Variants in PLSCR1 observed in about 807,000 individuals in gnomAD.
PLSCR1 encodes PL scramblase 1.
Under a neutral mutation model 37.8 loss-of-function variants are expected in PLSCR1, and 17 were observed. The observed-to-expected ratio is 0.45, with a 90% CI of 0.31 to 0.68. The LOEUF (loss-of-function observed/expected upper bound fraction) is 0.68. PLSCR1 is among the 30% of genes least tolerant of loss of function. The probability of loss-of-function intolerance (pLI) is 0.06; values close to 1 mark genes in which losing one functional copy is unlikely to be tolerated. For missense variants in PLSCR1, 347 were observed against 380.9 expected (o/e 0.91, Z 0.74); for synonymous variants, 116 against 125.9 (o/e 0.92, Z 0.53).
chr3:146,530,839 A>G (rs145933686), intron 3 of PLSCR1, among the ~76,000 whole-genome samples: 121 of 152,362 alleles, frequency 7.9e-4, no homozygotes, highest in African/African-American at 2.9e-3. Flanking sequence ...GAATTTAAGC[A>G]GAAGAATGAG....
chr3:146,515,979 A>G lies in PLSCR1; in HGVS notation c.*66T>C. 2 of 971,876 alleles carry G rather than the reference A, an allele frequency of 2.1e-6. No homozygotes were observed. Among genetic ancestry groups the G allele is most frequent in the Non-Finnish European group, 1.6e-6 (1 of 609,350 alleles). The allele number at this position is 971,876 out of a possible 1,614,324, so 60.2% of individuals were successfully genotyped here. A position where few individuals can be genotyped will look rare whatever the true frequency, so the allele number is the denominator to read the frequency against. On this transcript the variant is annotated 3_prime_UTR_variant, in exon 9 of 9. Transcript: ENST00000342435. ...GCCTTACAGCTTAATTCATACAGGT[A>G]TGAGTTTAGATAGTCTCAATCAATA...
At chr3:146,541,574 T>G (rs900116170) in intron 1 of PLSCR1, among the ~76,000 whole-genome samples, 4 of 152,160 alleles carry the variant, frequency 2.6e-5, no homozygotes, top group African/African-American at 9.7e-5. Context: ...TCTAATTCAC[T>G]GAAAAAAGGA....
chr3:146,533,376 T>TTC (rs1043457377), intron 3 of PLSCR1, 94 bp downstream of exon 3: 22 of 586,128 alleles, frequency 3.8e-5, no homozygotes, highest in South Asian at 1.6e-4. Context: ...AAATGCACAA[T>TTC]TCTCTCTCTC....
intron 3 of PLSCR1, among the ~76,000 whole-genome samples, chr3:146,531,376 A>C (rs1190532713): frequency 6.6e-6 from 1 of 152,204 alleles, no homozygotes; most frequent in Non-Finnish European, 1.5e-5. Flanking sequence ...ATAGGCCACT[A>C]ATAAAATAGG....
At position 146,521,119 on chromosome 3, in the gene PLSCR1, G is replaced by A. The variant is rs115204669; in HGVS notation, c.738+425C>T. On this transcript the variant is annotated intron_variant, in intron 7 of 8. Coordinates refer to ENST00000342435, the MANE Select transcript of PLSCR1 (RefSeq NM_021105.3). ...CTATCTTTGCATAATTGGGCTTCTTGTAGGAATTCAAAGATGTCAGACATT... is the reference window on the plus strand; with the variant it reads ...CTATCTTTGCATAATTGGGCTTCTTATAGGAATTCAAAGATGTCAGACATT... 6.0e-3 allele frequency among the ~76,000 whole-genome samples: 912 copies of A among 152,172 alleles called. 8 individuals are homozygous for A. Among genetic ancestry groups the A allele is most frequent in the African/African-American group, 0.021 (873 of 41,532 alleles).
intron 8 of PLSCR1, 58 bp downstream of exon 8, chr3:146,516,948 A>G: frequency 1.9e-6 from 2 of 1,062,508 alleles, no homozygotes; most frequent in East Asian, 5.4e-5. Flanking sequence ...TTACTGAATC[A>G]TTTCAGAATG....
At chr3:146,531,878 T>A (rs952504778) in intron 3 of PLSCR1, among the ~76,000 whole-genome samples, 1 of 152,106 alleles carries the variant, frequency 6.6e-6, no homozygotes, top group African/African-American at 2.4e-5. Flanking sequence ...ATTTTTTTTT[T>A]AAAGTAGGCA....
Position 146,532,563 on chromosome 3 carries a change from G to A in PLSCR1, c.94+907C>T, listed in dbSNP as rs74357072. Among the ~76,000 whole-genome samples the A allele has an allele frequency of 3.3e-3, 499 of 152,274 alleles. 2 individuals carry two copies. The highest frequency in any genetic ancestry group is 0.011 in the African/African-American group (451 of 41,548). On this transcript the variant is annotated intron_variant, in intron 3 of 8. Coordinates refer to ENST00000342435, the MANE Select transcript of PLSCR1 (RefSeq NM_021105.3). ...AGTTGCAAACATCTGGATGAGATCC[G>A]GGACCCGCAGGGAGGTTTCTTGCTA...
intron 2 of PLSCR1, among the ~76,000 whole-genome samples, chr3:146,533,788 T>C (rs1327754054): frequency 6.6e-6 from 1 of 152,208 alleles, no homozygotes; most frequent in Non-Finnish European, 1.5e-5. Flanking sequence ...TTACTGGGGC[T>C]GAATTACCAG....
intron 8 of PLSCR1, chr3:146,516,798 T>C (rs954818655): frequency 6.7e-5 from 28 of 416,738 alleles, no homozygotes; most frequent in Admixed American, 1.8e-4. Flanking sequence ...GCCATGTGAA[T>C]ATTCATAGAC....
intron 1 of PLSCR1, among the ~76,000 whole-genome samples, chr3:146,538,709 A>T (rs1487091712): frequency 1.3e-5 from 2 of 152,098 alleles, no homozygotes; most frequent in Non-Finnish European, 2.9e-5. Context: ...GCAAGTTTTT[A>T]TTTTTTATTT....
At position 146,528,642 on chromosome 3, in the gene PLSCR1, C is replaced by A. The variant is rs764667124; in HGVS notation, c.284G>T (p.Cys95Phe). 6.2e-7 allele frequency: 1 copy of A among 1,613,890 alleles called. No homozygotes were observed. The highest frequency in any genetic ancestry group is 1.3e-5 in the African/African-American group (1 of 75,024). Residue 95 changes from cysteine (C) to phenylalanine (F), a missense_variant, in exon 4 of 9, where the codon TGT becomes TTT. Cys to Phe is a radical substitution (Grantham distance 205, BLOSUM62 -2). Coordinates refer to ENST00000342435, the MANE Select transcript of PLSCR1 (RefSeq NM_021105.3). ...ACTTAAATATTCTAATCCAGGTGGA[C>A]AGTTTAATGGAGGCTGTGGCGCTGG... ...WMPAPQPPLN[C>F]PPGLEYLSQI...
At chr3:146,517,403 T>C (rs2043962641) in intron 7 of PLSCR1, 1 of 217,256 alleles carries the variant, frequency 4.6e-6, no homozygotes, top group Admixed American at 5.7e-5. Context: ...TTCTATTTTA[T>C]ATTAATATAG....
At chr3:146,526,183 C>CAAAAAA (rs60229241) in intron 4 of PLSCR1, among the ~76,000 whole-genome samples, 89 of 42,480 alleles carry the variant, frequency 2.1e-3, no homozygotes, top group African/African-American at 4.8e-3. Flanking sequence ...GACTCCATCT[C>CAAAAAA]AAAAAAAAAA....
At chr3:146,543,385 A>T (rs2044362336) in intron 1 of PLSCR1, among the ~76,000 whole-genome samples, 1 of 151,994 alleles carries the variant, frequency 6.6e-6, no homozygotes, top group Non-Finnish European at 1.5e-5. Flanking sequence ...TGTCTTTTTC[A>T]TTTCCCCGCA....
intron 3 of PLSCR1, among the ~76,000 whole-genome samples, chr3:146,529,035 G>A (rs903817820): frequency 2.6e-5 from 4 of 152,080 alleles, no homozygotes; most frequent in Admixed American, 6.5e-5. Flanking sequence ...GATAGTATGC[G>A]GTGAATAGCC....
intron 1 of PLSCR1, among the ~76,000 whole-genome samples, chr3:146,540,497 T>C (rs768095372): frequency 1.4e-4 from 21 of 152,296 alleles, no homozygotes; most frequent in South Asian, 8.3e-4. Flanking sequence ...CTGAAATTTT[T>C]ATCTTACTGC....
chr3:146,534,545 ATTGGATTG>A (rs1489482100), intron 2 of PLSCR1, among the ~76,000 whole-genome samples: 3 of 152,134 alleles, frequency 2.0e-5, no homozygotes, highest in Admixed American at 6.5e-5. Flanking sequence ...TATCAGGAAG[ATTGGATTG>A]TTTCCCCCAC....
intron 4 of PLSCR1, 123 bp downstream of exon 4, chr3:146,528,491 C>G (rs1467581781): frequency 2.6e-6 from 2 of 757,756 alleles, no homozygotes; most frequent in Non-Finnish European, 4.5e-6. Context: ...TTAGAGTAAT[C>G]TGTTAGCAGA....
Sources: gnomAD v4.1 joint callset for allele counts (sites outside exome capture counted in the v4.1 genomes callset) on GRCh38, gnomAD v4.1.1 for gene constraint, MANE v1.5 for transcripts, NCBI Gene and HGNC (gene_info 2026-07-23, HGNC 2026-07-21) for gene names.